CNTNAP2: variants seen among roughly 807,000 people sequenced by gnomAD.
CNTNAP2 encodes the protein contactin associated protein 2, also known as contactin-associated protein-like 2.
In CNTNAP2, 98 loss-of-function variants were observed where a neutral mutation model predicts 155.2. That is an observed-to-expected ratio of 0.63 (90% CI 0.54 to 0.75). CNTNAP2 has a LOEUF of 0.75. Ranked by LOEUF, CNTNAP2 falls within the 30% of genes least tolerant of loss-of-function variation. The probability of loss-of-function intolerance (pLI) is 0.00; values close to 1 mark genes in which losing one functional copy is unlikely to be tolerated. For synonymous variants in CNTNAP2, 651 were observed against 631.2 expected, an observed-to-expected ratio of 1.03 and a Z score of -0.47; for missense variants, 1,727 against 1,688.1, an observed-to-expected ratio of 1.02 and a Z score of -0.40.
intron 15 of CNTNAP2, among the ~76,000 whole-genome samples, chr7:148,082,725 G>A (rs547738193): frequency 8.6e-5 from 13 of 152,000 alleles, no homozygotes; most frequent in African/African-American, 1.9e-4. Context: ...TGTCACCAGC[G>A]TGGAGTGCAA....
chr7:146,754,430 A>G (rs1175150259), intron 1 of CNTNAP2, among the ~76,000 whole-genome samples: 1 of 152,010 alleles, frequency 6.6e-6, no homozygotes, highest in African/African-American at 2.4e-5. Flanking sequence ...TATCCCTGGA[A>G]ATAGAACAAA....
chr7:147,601,881 T>G (rs1003979361), intron 12 of CNTNAP2, among the ~76,000 whole-genome samples: 4 of 151,992 alleles, frequency 2.6e-5, no homozygotes, highest in African/African-American at 9.7e-5. Context: ...TTTCTTTCTC[T>G]GTTTCTCTTC....
At chr7:147,018,988 C>G (rs1195460770) in intron 3 of CNTNAP2, among the ~76,000 whole-genome samples, 1 of 152,076 alleles carries the variant, frequency 6.6e-6, no homozygotes, top group Non-Finnish European at 1.5e-5. Flanking sequence ...TACTACAAAT[C>G]TCTTTTCAGT....
chr7:146,912,022 A>C (rs1243926961), intron 3 of CNTNAP2, among the ~76,000 whole-genome samples: 1 of 151,976 alleles, frequency 6.6e-6, no homozygotes, highest in African/African-American at 2.4e-5. Flanking sequence ...AAATATTTGC[A>C]TGTGGTACAG....
chr7:147,962,414 C>T (rs371980575), intron 14 of CNTNAP2, among the ~76,000 whole-genome samples: 2 of 152,136 alleles, frequency 1.3e-5, no homozygotes, highest in East Asian at 3.9e-4. Flanking sequence ...GATCAGCTGC[C>T]CCTCCCTGTC....
rs141825113 is a variant in CNTNAP2 at position 147,450,793 on chromosome 7, A to G, written c.1671-35142A>G. Among the ~76,000 whole-genome samples, 15 of 152,336 alleles carry G rather than the reference A, an allele frequency of 9.8e-5. No individual in the cohort carries two copies. The East Asian group carries it at 2.9e-3, about 29-fold the overall frequency. On this transcript the variant is annotated intron_variant, in intron 10 of 23. Coordinates refer to ENST00000361727, the MANE Select transcript of CNTNAP2 (RefSeq NM_014141.6). ...AAATTTTTACTATTCTTGTATAAAG[A>G]TGCTCCTCTAATACTTTGTTGCATT...
At chr7:146,270,912 A>G (rs942478022) in intron 1 of CNTNAP2, among the ~76,000 whole-genome samples, 3 of 152,156 alleles carry the variant, frequency 2.0e-5, no homozygotes, top group East Asian at 1.9e-4. Flanking sequence ...AATACCTAAT[A>G]TGTACAAGAC....
chr7:147,639,876 C>T (rs1025106772), intron 13 of CNTNAP2, among the ~76,000 whole-genome samples: 15 of 151,992 alleles, frequency 9.9e-5, no homozygotes, highest in East Asian at 5.8e-4. Flanking sequence ...AGACTGTGTC[C>T]GGGTGTAGAG....
intron 2 of CNTNAP2, among the ~76,000 whole-genome samples, chr7:146,790,686 C>A (rs1272888175): frequency 2.0e-5 from 3 of 151,872 alleles, no homozygotes; most frequent in Admixed American, 6.6e-5. Flanking sequence ...TCTCCTGCCT[C>A]AGCCTCCGGA....
At chr7:148,179,220 C>G (rs990313370) in intron 18 of CNTNAP2, among the ~76,000 whole-genome samples, 1 of 152,136 alleles carries the variant, frequency 6.6e-6, no homozygotes, top group African/African-American at 2.4e-5. Context: ...GACAAGAAAG[C>G]GCTGATTAGC....
At chr7:147,769,166 T>C (rs1355319782) in intron 13 of CNTNAP2, among the ~76,000 whole-genome samples, 1 of 152,164 alleles carries the variant, frequency 6.6e-6, no homozygotes, top group African/African-American at 2.4e-5. Context: ...TTGGTCAATT[T>C]ATGCTAATTG....
intron 1 of CNTNAP2, among the ~76,000 whole-genome samples, chr7:146,486,285 C>G (rs905182754): frequency 6.6e-6 from 1 of 151,758 alleles, no homozygotes; most frequent in Non-Finnish European, 1.5e-5. Flanking sequence ...AGGATGGTCT[C>G]GATCTCCTGA....
Position 147,667,759 on chromosome 7 carries a change from A to G in CNTNAP2, c.2098+28453A>G, listed in dbSNP as rs750267274. Among the ~76,000 whole-genome samples, 7 of 151,434 alleles carry G rather than the reference A, an allele frequency of 4.6e-5. No homozygotes were observed. The Admixed American group carries it at 4.6e-4, about 10-fold the overall frequency. The stretch of plus-strand genomic sequence containing the variant: ...GGCATTAAAGCACTTTTTAAGGCCT[A>G]TTACCTGAGAAGGACTTTTACCCAG... On this transcript the variant is annotated intron_variant, in intron 13 of 23. Transcript: ENST00000361727.
At chr7:147,687,674 G>A (rs1489584550) in intron 13 of CNTNAP2, among the ~76,000 whole-genome samples, 1 of 152,040 alleles carries the variant, frequency 6.6e-6, no homozygotes, top group Non-Finnish European at 1.5e-5. Flanking sequence ...TTCTCCAACT[G>A]TATATAAGGC....
intron 18 of CNTNAP2, among the ~76,000 whole-genome samples, chr7:148,215,808 A>G (rs1375332609): frequency 1.3e-5 from 2 of 152,182 alleles, no homozygotes; most frequent in Non-Finnish European, 2.9e-5. Context: ...CGGCTGCTAC[A>G]GACAAGGGCA....
chr7:146,612,555 A>G (rs1799155989), intron 1 of CNTNAP2, among the ~76,000 whole-genome samples: 1 of 152,136 alleles, frequency 6.6e-6, no homozygotes, highest in Admixed American at 6.5e-5. Context: ...TTATTTGCTT[A>G]TTTTAAAGGC....
At chr7:148,317,656 C>G (rs1797714221) in intron 21 of CNTNAP2, among the ~76,000 whole-genome samples, 1 of 152,186 alleles carries the variant, frequency 6.6e-6, no homozygotes, top group African/African-American at 2.4e-5. Flanking sequence ...GAGTTCACAG[C>G]ACAAGTTTGC....
At chr7:147,014,771 C>G (rs1404155) in intron 3 of CNTNAP2, among the ~76,000 whole-genome samples, 59,840 of 151,714 alleles carry the variant, frequency 0.39, 12,128 homozygotes, top group African/African-American at 0.45. Context: ...CAACAGGAAA[C>G]AAAAAAATAA....
At chr7:148,192,900 G>A (rs542635049) in intron 18 of CNTNAP2, among the ~76,000 whole-genome samples, 3 of 151,954 alleles carry the variant, frequency 2.0e-5, no homozygotes, top group East Asian at 1.9e-4. Context: ...ATTTTTTGGC[G>A]GTGTTTGAAT....
Sources: gnomAD v4.1 joint callset for allele counts (sites outside exome capture counted in the v4.1 genomes callset) on GRCh38, gnomAD v4.1.1 for gene constraint, MANE v1.5 for transcripts, NCBI Gene and HGNC (gene_info 2026-07-23, HGNC 2026-07-21) for gene names.